Variants in NRIP1 observed in about 807,000 individuals in gnomAD.
NRIP1 encodes nuclear receptor interacting protein 1.
A neutral mutation model predicts 75.0 loss-of-function variants in NRIP1; 28 were observed. The observed-to-expected ratio is 0.37, with a 90% confidence interval of 0.28 to 0.51. NRIP1 has a LOEUF of 0.51. NRIP1 is among the 20% of genes least tolerant of loss of function. The pLI, the probability that NRIP1 is intolerant of heterozygous loss-of-function variation, is 0.92. For missense variants in NRIP1, 1,435 were observed against 1,343.7 expected (o/e 1.07, Z -1.06); for synonymous variants, 526 against 487.6 (o/e 1.08, Z -1.04).
intron 2 of NRIP1, among the ~76,000 whole-genome samples, chr21:15,033,786 T>A (rs183533608): frequency 6.6e-6 from 1 of 152,302 alleles, no homozygotes; most frequent in East Asian, 1.9e-4. Flanking sequence ...AAGGGGTAAA[T>A]CTGGGATTCA....
At chr21:15,036,124 T>C (rs1353259906) in intron 2 of NRIP1, among the ~76,000 whole-genome samples, 1 of 152,174 alleles carries the variant, frequency 6.6e-6, no homozygotes, top group East Asian at 1.9e-4. Flanking sequence ...TTTTTGTTTG[T>C]GATATGAATA....
At chr21:15,039,077 T>C (rs1460186910) in intron 2 of NRIP1, among the ~76,000 whole-genome samples, 1 of 152,156 alleles carries the variant, frequency 6.6e-6, no homozygotes, top group African/African-American at 2.4e-5. Context: ...TTTTGAATTG[T>C]GTGGTCACCA....
intron 1 of NRIP1, among the ~76,000 whole-genome samples, chr21:15,060,012 G>A (rs2147420742): frequency 6.6e-6 from 1 of 152,168 alleles, no homozygotes; most frequent in Non-Finnish European, 1.5e-5. Flanking sequence ...TGTTTCGGGT[G>A]CATTTTGATA....
intron 1 of NRIP1, among the ~76,000 whole-genome samples, chr21:15,053,251 T>C (rs1199036019): frequency 6.6e-6 from 1 of 152,190 alleles, no homozygotes; most frequent in Non-Finnish European, 1.5e-5. Context: ...ACAGTGAATG[T>C]GTTTGTGTTG....
intron 3 of NRIP1, among the ~76,000 whole-genome samples, chr21:14,975,669 GAGAA>G (rs72349516): frequency 0.096 from 13,276 of 138,778 alleles, 600 homozygotes; most frequent in Middle Eastern, 0.16. Flanking sequence ...GAGAGAGAGA[GAGAA>G]AGAAAGAAAG....
intron 3 of NRIP1, among the ~76,000 whole-genome samples, chr21:15,000,487 A>C (rs932529436): frequency 6.6e-6 from 1 of 152,236 alleles, no homozygotes; most frequent in Non-Finnish European, 1.5e-5. Context: ...AGAAAAAAAA[A>C]GGAAAATATC....
intron 1 of NRIP1, chr21:15,050,597 T>C (rs551780834): frequency 3.0e-5 from 11 of 370,606 alleles, no homozygotes; most frequent in African/African-American, 1.9e-4. Flanking sequence ...AAGAAAGAAA[T>C]AGGTTAGAGT....
intron 1 of NRIP1, among the ~76,000 whole-genome samples, chr21:15,056,055 C>T (rs2089298941): frequency 6.6e-6 from 1 of 151,986 alleles, no homozygotes; most frequent in Non-Finnish European, 1.5e-5. Flanking sequence ...TAAATGGTAG[C>T]ATTTTATCAT....
intron 3 of NRIP1, among the ~76,000 whole-genome samples, chr21:14,998,870 AG>A (rs1440022074): frequency 1.3e-5 from 2 of 152,186 alleles, no homozygotes; most frequent in Non-Finnish European, 2.9e-5. Context: ...GGTCAACAGT[AG>A]GCTATCAGTA....
intron 3 of NRIP1, among the ~76,000 whole-genome samples, chr21:14,970,543 C>T (rs1023228369): frequency 2.6e-5 from 4 of 152,142 alleles, no homozygotes; most frequent in African/African-American, 9.7e-5. Flanking sequence ...GACACTCTAT[C>T]TCAAAACAAA....
intron 2 of NRIP1, among the ~76,000 whole-genome samples, chr21:15,035,724 T>C (rs1305884112): frequency 1.3e-5 from 2 of 152,090 alleles, no homozygotes; most frequent in Admixed American, 6.5e-5. Flanking sequence ...GGCCGGTTGA[T>C]TTTTTGTATT....
intron 2 of NRIP1, among the ~76,000 whole-genome samples, chr21:15,019,466 ATTTCTTTTTTTTTT>A (rs2088315931): frequency 1.2e-5 from 1 of 80,840 alleles, no homozygotes; most frequent in Admixed American, 1.4e-4. Context: ...AAACAACTGC[ATTTCTTTTTTTTTT>A]TTTTTTTTTT....
chr21:15,037,941 A>G (rs2088871745), intron 2 of NRIP1, among the ~76,000 whole-genome samples: 1 of 152,170 alleles, frequency 6.6e-6, no homozygotes, highest in Non-Finnish European at 1.5e-5. Context: ...CTATCTAATA[A>G]CTATCTAATA....
chr21:14,988,982 T>G (rs1464010865), intron 3 of NRIP1, among the ~76,000 whole-genome samples: 2 of 152,022 alleles, frequency 1.3e-5, no homozygotes, highest in Non-Finnish European at 2.9e-5. Flanking sequence ...AGGTGCTGAA[T>G]GAATGGCTTT....
intron 3 of NRIP1, among the ~76,000 whole-genome samples, chr21:14,983,564 A>G (rs961059269): frequency 6.6e-6 from 1 of 152,214 alleles, no homozygotes; most frequent in African/African-American, 2.4e-5. Context: ...AGGTGGTTAC[A>G]CTAAACAACA....
chr21:15,065,329 G>C (rs1025966724), upstream of NRIP1, among the ~76,000 whole-genome samples: 6 of 151,690 alleles, frequency 4.0e-5, no homozygotes, highest in Admixed American at 2.0e-4. Flanking sequence ...TGCACGGCGC[G>C]CCCGGGCCGT....
chr21:15,041,863 T>A (rs986636434), intron 2 of NRIP1, among the ~76,000 whole-genome samples: 1 of 152,184 alleles, frequency 6.6e-6, no homozygotes, highest in African/African-American at 2.4e-5. Flanking sequence ...ATTTTACTGA[T>A]AAAGTATATT....
intron 3 of NRIP1, among the ~76,000 whole-genome samples, chr21:14,987,582 G>A (rs1384398573): frequency 2.6e-5 from 4 of 152,186 alleles, no homozygotes; most frequent in Admixed American, 6.5e-5. Flanking sequence ...GCCAGTCTGT[G>A]GTGGGTGCTG....
chr21:15,048,967 T>A (rs758750982), intron 1 of NRIP1, among the ~76,000 whole-genome samples: 40 of 150,268 alleles, frequency 2.7e-4, no homozygotes, highest in Non-Finnish European at 7.4e-5. Context: ...TACAAATACA[T>A]ACACACACAC....
Sources: gnomAD v4.1 joint callset for allele counts (sites outside exome capture counted in the v4.1 genomes callset) on GRCh38, gnomAD v4.1.1 for gene constraint, MANE v1.5 for transcripts, NCBI Gene and HGNC (gene_info 2026-07-23, HGNC 2026-07-21) for gene names.